The following MGST2 variants were observed in gnomAD, a reference collection of about 807,000 sequenced individuals.
MGST2 encodes microsomal glutathione S-transferase 2, also known as glutathione peroxidase MGST2.
MGST2 carries 9 observed loss-of-function variants against 16.6 expected under a neutral mutation model. That is an observed-to-expected ratio of 0.54 (90% CI 0.33 to 0.95). The LOEUF is 0.95. Among genes scored for constraint, MGST2 ranks in the 40% least tolerant of loss-of-function variants. The pLI is 0.03. For synonymous variants in MGST2, 79 were observed against 68.0 expected, an observed-to-expected ratio of 1.16 and a Z score of -0.79; for missense variants, 159 against 175.1, an observed-to-expected ratio of 0.91 and a Z score of 0.52.
intron 2 of MGST2, among the ~76,000 whole-genome samples, chr4:139,694,451 A>G (rs1726801745): frequency 6.6e-6 from 1 of 152,144 alleles, no homozygotes; most frequent in South Asian, 2.1e-4. Context: ...GAGCTCGGCC[A>G]ACCTAACCAA....
At chr4:139,752,778 A>G in the MGST2 span, among the ~76,000 whole-genome samples, 55 of 152,354 alleles carry the variant, frequency 3.6e-4, no homozygotes, top group Non-Finnish European at 5.9e-4. Context: ...ATAGAAGAAA[A>G]AAAAGCTAGA....
intron 5 of MGST2, among the ~76,000 whole-genome samples, chr4:139,712,196 G>A (rs1341155559): frequency 6.6e-6 from 1 of 152,198 alleles, no homozygotes. Flanking sequence ...CTGATATGGG[G>A]TTGGCAGCTG....
At chr4:139,749,531 T>C in the MGST2 span, among the ~76,000 whole-genome samples, 7 of 152,220 alleles carry the variant, frequency 4.6e-5, no homozygotes, top group Non-Finnish European at 8.8e-5. Context: ...CTTTGGCTTA[T>C]GAGCTCTGGT....
At chr4:139,676,883 A>G (rs773822674) in intron 1 of MGST2, among the ~76,000 whole-genome samples, 8 of 152,318 alleles carry the variant, frequency 5.3e-5, no homozygotes, top group East Asian at 1.9e-4. Context: ...GGAACTTTGC[A>G]TTGTGGAGAA....
At chr4:139,682,240 G>A (rs1208089312) in intron 2 of MGST2, among the ~76,000 whole-genome samples, 5 of 88,950 alleles carry the variant, frequency 5.6e-5, no homozygotes, top group South Asian at 5.7e-4. Context: ...GGTAATTGGT[G>A]CTAAAAAAAA....
chr4:139,727,033 C>T (rs1477630335), intron 5 of MGST2, among the ~76,000 whole-genome samples: 4 of 152,106 alleles, frequency 2.6e-5, no homozygotes, highest in Non-Finnish European at 5.9e-5. Flanking sequence ...CAACAAGGTC[C>T]CTGTTCTTTA....
chr4:139,743,036 T>C (rs768607351), downstream of MGST2, among the ~76,000 whole-genome samples: 2 of 152,140 alleles, frequency 1.3e-5, no homozygotes, highest in Non-Finnish European at 2.9e-5. Context: ...TACCACCCCC[T>C]CATTTTTCCC....
chr4:139,728,128 T>C (rs1255395547), intron 5 of MGST2, among the ~76,000 whole-genome samples: 2 of 152,134 alleles, frequency 1.3e-5, no homozygotes, highest in Non-Finnish European at 2.9e-5. Context: ...GGTGGGAAGA[T>C]TGCTTGAGCT....
intron 2 of MGST2, among the ~76,000 whole-genome samples, chr4:139,679,291 T>C (rs796205315): frequency 3.3e-4 from 50 of 152,340 alleles, no homozygotes; most frequent in African/African-American, 1.1e-3. Flanking sequence ...ACCACTGATA[T>C]ATCATTGGGT....
downstream of MGST2, among the ~76,000 whole-genome samples, chr4:139,706,551 C>T (rs1311064225): frequency 3.9e-5 from 6 of 152,140 alleles, no homozygotes; most frequent in Admixed American, 2.6e-4. Flanking sequence ...ATTTTTGATA[C>T]TAAGGCATAA....
chr4:139,698,042 C>T (rs184678026), intron 3 of MGST2: 14,603 of 686,414 alleles, frequency 0.021, 225 homozygotes, highest in Middle Eastern at 0.036. Context: ...TACCTTTTGA[C>T]CCCATGGAAA....
chr4:139,701,435 C>T (rs965376693), intron 3 of MGST2, among the ~76,000 whole-genome samples: 3 of 152,072 alleles, frequency 2.0e-5, no homozygotes, highest in African/African-American at 4.8e-5. Context: ...CCTGTGGTGC[C>T]GATACAGATG....
At chr4:139,667,905 T>A (rs4863672) in intron 1 of MGST2, among the ~76,000 whole-genome samples, 87,614 of 151,884 alleles carry the variant, frequency 0.58, 27,070 homozygotes, top group East Asian at 0.86. Flanking sequence ...GTAAAATAAT[T>A]GAAAAGCTGT....
Position 139,698,304 on chromosome 4 carries a change from C to T in MGST2, c.229+3037C>T, listed in dbSNP as rs530985848. Reference sequence around the variant, plus strand: ...AGCACCGATAGCTGCGCTCTGGAAGCGCAGATCTGTTTTAAAGTCCTGAGC... The same window carrying T: ...AGCACCGATAGCTGCGCTCTGGAAGTGCAGATCTGTTTTAAAGTCCTGAGC... On this transcript the variant is annotated intron_variant, in intron 3 of 4. Coordinates refer to ENST00000265498, the MANE Select transcript of MGST2 (RefSeq NM_002413.5). 93 of 1,392,992 alleles carry T rather than the reference C, an allele frequency of 6.7e-5. No individual in the cohort carries two copies. The African/African-American group carries it at 7.1e-4, about 11-fold the overall frequency. The allele number at this position is 1,392,992 out of a possible 1,614,324, so 86.3% of individuals were successfully genotyped here. A position where few individuals can be genotyped will look rare whatever the true frequency, so the allele number is the denominator to read the frequency against.
chr4:139,727,787 A>G (rs1728536458), intron 5 of MGST2, among the ~76,000 whole-genome samples: 1 of 152,184 alleles, frequency 6.6e-6, no homozygotes, highest in African/African-American at 2.4e-5. Context: ...TAAGATCCCA[A>G]ATCCTTCTGT....
chr4:139,671,571 A>G (rs1007913724), intron 1 of MGST2, among the ~76,000 whole-genome samples: 10 of 151,868 alleles, frequency 6.6e-5, no homozygotes, highest in Non-Finnish European at 1.5e-4. Flanking sequence ...AGGTCAAGCA[A>G]TTCTCCTGCC....
At chr4:139,686,162 G>C (rs1731552301) in intron 2 of MGST2, among the ~76,000 whole-genome samples, 1 of 152,116 alleles carries the variant, frequency 6.6e-6, no homozygotes, top group Admixed American at 6.5e-5. Context: ...GAAGTGTGGT[G>C]GGGTGGGAGC....
rs142591098 is a variant in MGST2 at position 139,715,896 on chromosome 4, T to C, written c.*48+11700T>C. On this transcript the variant is annotated intron_variant, in intron 5 of 5. Transcript: ENST00000616265. This position sits in a 1 kb window ranked among gnomAD's most constrained non-coding sequence, Gnocchi z 4.4. ...TGTGACTTAGAATGCCTTAACCGTC[T>C]GGGAATGCAGCCCAGTAGGTTTCAG... 0.068 allele frequency among the ~76,000 whole-genome samples: 10,280 copies of C among 152,260 alleles called. 608 individuals carry two copies. Among genetic ancestry groups the C allele is most frequent in the Admixed American group, 0.18 (2,722 of 15,284 alleles).
At chr4:139,705,461 C>T (rs1401631858), downstream of MGST2, 1 of 152,136 alleles carries the variant, frequency 6.6e-6, no homozygotes, top group Non-Finnish European at 1.5e-5. Context: ...CAAGCTTGTT[C>T]TGTGCAGACT....
Sources: allele counts gnomAD v4.1 joint callset (sites outside exome capture counted in the v4.1 genomes callset), GRCh38; gene constraint gnomAD v4.1.1; non-coding constraint Gnocchi (gnomAD v3.1); transcripts MANE v1.5; gene names NCBI Gene and HGNC (gene_info 2026-07-23, HGNC 2026-07-21).